Variants in NCOA1 observed in about 807,000 individuals in gnomAD.
The protein encoded by NCOA1 is Hin-2 protein.
A neutral mutation model predicts 150.9 loss-of-function variants in NCOA1; 35 were observed. The observed-to-expected ratio is 0.23, with a 90% confidence interval of 0.18 to 0.31. The LOEUF is 0.31. Among genes scored for constraint, NCOA1 ranks in the 10% least tolerant of loss-of-function variants. The probability of loss-of-function intolerance (pLI) is 1.00; values close to 1 mark genes in which losing one functional copy is unlikely to be tolerated. For synonymous variants in NCOA1, 590 were observed against 630.0 expected (o/e 0.94, Z 0.95); for missense variants, 1,491 against 1,749.3 (o/e 0.85, Z 2.63).
intron 1 of NCOA1, among the ~76,000 whole-genome samples, chr2:24,500,966 T>A (rs1032793186): frequency 3.3e-5 from 5 of 152,232 alleles, no homozygotes; most frequent in Non-Finnish European, 7.3e-5. Flanking sequence ...GAGCTTTTTT[T>A]ATATGTATAC....
chr2:24,565,799 C>T (rs1371422124), intron 2 of NCOA1, among the ~76,000 whole-genome samples: 1 of 152,070 alleles, frequency 6.6e-6, no homozygotes, highest in Non-Finnish European at 1.5e-5. Context: ...TGTGGCGGGG[C>T]AGGCAGCTCC....
intron 1 of NCOA1, among the ~76,000 whole-genome samples, chr2:24,531,049 C>T (rs1285458811): frequency 1.3e-5 from 2 of 152,162 alleles, no homozygotes; most frequent in Non-Finnish European, 2.9e-5. Context: ...TACCACCCCA[C>T]ACCCATTAGG....
chr2:24,758,664 T>A (rs779631127), intron 21 of NCOA1, among the ~76,000 whole-genome samples: 7 of 152,014 alleles, frequency 4.6e-5, no homozygotes, highest in Non-Finnish European at 1.0e-4. Context: ...TTCAGTTTCA[T>A]GAGATTTTAG....
At chr2:24,637,307 G>A (rs2148446672) in intron 3 of NCOA1, among the ~76,000 whole-genome samples, 1 of 143,806 alleles carries the variant, frequency 7.0e-6, no homozygotes, top group Non-Finnish European at 1.5e-5. Flanking sequence ...TCTAGAACGA[G>A]AAATACCATT....
At chr2:24,706,339 A>G (rs985300165) in intron 12 of NCOA1, among the ~76,000 whole-genome samples, 3 of 152,136 alleles carry the variant, frequency 2.0e-5, no homozygotes, top group African/African-American at 7.2e-5. Context: ...CCATTATCAA[A>G]TGTAAGAGTC....
At chr2:24,725,424 A>T (rs1321895862) in intron 14 of NCOA1, among the ~76,000 whole-genome samples, 1 of 151,172 alleles carries the variant, frequency 6.6e-6, no homozygotes, top group African/African-American at 2.4e-5. Context: ...CTCTGTCTGT[A>T]TTTTTTTTCT....
intron 1 of NCOA1, among the ~76,000 whole-genome samples, chr2:24,538,571 T>A (rs892129519): frequency 1.3e-5 from 2 of 152,228 alleles, no homozygotes; most frequent in Non-Finnish European, 2.9e-5. Flanking sequence ...TCTCTTAAAA[T>A]CTTTTCCAGC....
chr2:24,511,348 G>A (rs150255532), intron 1 of NCOA1, among the ~76,000 whole-genome samples: 17 of 152,216 alleles, frequency 1.1e-4, no homozygotes, highest in Admixed American at 5.2e-4. Flanking sequence ...TTGTGAGAAC[G>A]GCAAAACTGT....
chr2:24,534,437 G>C (rs1021605814), intron 1 of NCOA1, among the ~76,000 whole-genome samples: 2 of 149,534 alleles, frequency 1.3e-5, no homozygotes, highest in African/African-American at 4.9e-5. Flanking sequence ...GGTTTTTTGT[G>C]TCTCTATCTC....
intron 17 of NCOA1, among the ~76,000 whole-genome samples, chr2:24,736,914 A>G (rs753807888): frequency 2.6e-5 from 4 of 152,188 alleles, no homozygotes; most frequent in Non-Finnish European, 4.4e-5. Flanking sequence ...TAGGTTTCCT[A>G]TAGGAGGACT....
At chr2:24,639,723 C>T (rs943990632) in intron 3 of NCOA1, among the ~76,000 whole-genome samples, 187 of 151,218 alleles carry the variant, frequency 1.2e-3, no homozygotes, top group African/African-American at 4.1e-3. Flanking sequence ...CCCATCTCTA[C>T]TAAAAATACA....
intron 2 of NCOA1, among the ~76,000 whole-genome samples, chr2:24,566,117 C>T (rs1666496048): frequency 6.6e-6 from 1 of 152,220 alleles, no homozygotes; most frequent in Non-Finnish European, 1.5e-5. Flanking sequence ...TCTTGTCCCA[C>T]ACCCAGGAAG....
At chr2:24,750,389 A>G (rs2148676680) in intron 19 of NCOA1, among the ~76,000 whole-genome samples, 1 of 152,372 alleles carries the variant, frequency 6.6e-6, no homozygotes, top group South Asian at 2.1e-4. Flanking sequence ...TGCTGGTACA[A>G]CATAGAGATC....
intron 20 of NCOA1, among the ~76,000 whole-genome samples, chr2:24,754,218 C>T (rs1188237899): frequency 6.6e-6 from 1 of 152,174 alleles, no homozygotes; most frequent in African/African-American, 2.4e-5. Context: ...ATCATTTAAT[C>T]TCCACATGGG....
intron 8 of NCOA1, among the ~76,000 whole-genome samples, chr2:24,689,115 T>C (rs1307395182): frequency 6.6e-6 from 1 of 152,190 alleles, no homozygotes; most frequent in Non-Finnish European, 1.5e-5. Context: ...CTGTTTTTGT[T>C]ACTGTACCCC....
At chr2:24,499,433 CTTTG>C (rs370042902) in intron 1 of NCOA1, among the ~76,000 whole-genome samples, 62 of 152,210 alleles carry the variant, frequency 4.1e-4, no homozygotes, top group African/African-American at 1.5e-3. Flanking sequence ...TTCTATGGCC[CTTTG>C]TTTATCAGAT....
intron 3 of NCOA1, among the ~76,000 whole-genome samples, chr2:24,632,637 G>T (rs980650073): frequency 5.3e-5 from 8 of 152,132 alleles, no homozygotes; most frequent in Non-Finnish European, 1.0e-4. Context: ...TAGCATCCAG[G>T]CAGGAAATAG....
At chr2:24,744,774 A>G (rs368543621) in intron 19 of NCOA1, among the ~76,000 whole-genome samples, 16 of 152,370 alleles carry the variant, frequency 1.1e-4, no homozygotes, top group African/African-American at 3.8e-4. Context: ...ATAAAGTTTT[A>G]ATGGAACACA....
chr2:24,568,732 C>T (rs1042825623), intron 2 of NCOA1, among the ~76,000 whole-genome samples: 1 of 152,138 alleles, frequency 6.6e-6, no homozygotes, highest in African/African-American at 2.4e-5. Flanking sequence ...ATTATGCTTG[C>T]AGAGAAAGTA....
Sources: gnomAD v4.1 joint callset for allele counts (sites outside exome capture counted in the v4.1 genomes callset) on GRCh38, gnomAD v4.1.1 for gene constraint, MANE v1.5 for transcripts, NCBI Gene and HGNC (gene_info 2026-07-23, HGNC 2026-07-21) for gene names.